Variants in TACC2 observed in about 807,000 individuals in gnomAD.
TACC2 encodes the protein transforming acidic coiled-coil containing protein 2, also known as transforming acidic coiled-coil-containing protein 2.
TACC2 carries 137 observed loss-of-function variants against 227.3 expected under a neutral mutation model. That is an observed-to-expected ratio of 0.60 (90% CI 0.52 to 0.69). TACC2 has a LOEUF of 0.69. TACC2 is among the 30% of genes least tolerant of loss of function. The pLI, the probability that TACC2 is intolerant of heterozygous loss-of-function variation, is 0.00. For synonymous variants in TACC2, 1,523 were observed against 1,487.5 expected (o/e 1.02, Z -0.55); for missense variants, 3,470 against 3,694.4 (o/e 0.94, Z 1.57).
intron 14 of TACC2, among the ~76,000 whole-genome samples, chr10:122,228,317 C>T (rs971788049): frequency 1.3e-5 from 2 of 152,224 alleles, no homozygotes; most frequent in African/African-American, 2.4e-5. Flanking sequence ...GTTAAGCAGT[C>T]CTCTGCCGCT....
chr10:122,082,681 G>A lies in TACC2; in HGVS notation c.181G>A (p.Ala61Thr), dbSNP rs115572080. 33 of 1,613,774 alleles carry A rather than the reference G, an allele frequency of 2.0e-5. No homozygotes were observed. The highest frequency in any genetic ancestry group is 1.6e-4 in the African/African-American group (12 of 75,010). The change falls in exon 4 of 23, where the codon GCT (alanine) becomes ACT (threonine). Residue 61 changes from alanine (A) to threonine (T), a missense_variant. Ala to Thr is a moderately conservative substitution (Grantham distance 58). Around this residue, in one of 10 missense-constraint regions of TACC2, gnomAD observed 405 missense variants for 389.6 expected, o/e 1.04. Coordinates refer to ENST00000369005, the MANE Select transcript of TACC2 (RefSeq NM_206862.4). ...CGTTGGGCTTGGAGGCTTCTGCACC[G>A]CTTCTGAGAGTTCTGCCAGCCTGGA... ...GSVGLGGFCT[A>T]SESSASLDPC... is the part of the protein sequence containing the mutation.
At chr10:122,108,766 G>A (rs1283636011) in intron 5 of TACC2, among the ~76,000 whole-genome samples, 5 of 135,624 alleles carry the variant, frequency 3.7e-5, no homozygotes, top group East Asian at 2.2e-4. Flanking sequence ...CTTGAGTCTC[G>A]CTGCGTCACC....
rs77317719 is a variant in TACC2, at chr10:122,146,058, T to C, written c.5834+2352T>C. Among the ~76,000 whole-genome samples, 1,239 of 152,290 alleles carry C rather than the reference T, an allele frequency of 8.1e-3. 16 individuals carry two copies. The highest frequency in any genetic ancestry group is 0.028 in the African/African-American group (1,179 of 41,560). On this transcript the variant is annotated intron_variant, in intron 7 of 22. Coordinates refer to ENST00000369005, the MANE Select transcript of TACC2 (RefSeq NM_206862.4). ...TCAAGGAGCATCCAGTGCTGGCAGA[T>C]AGACATGGAGCAATGAGTTACTAGG... is the stretch of plus-strand genomic sequence containing the variant.
chr10:122,201,594 C>T (rs1205686745), intron 8 of TACC2, among the ~76,000 whole-genome samples: 1 of 152,238 alleles, frequency 6.6e-6, no homozygotes, highest in Non-Finnish European at 1.5e-5. Context: ...ACCCTCTGGA[C>T]GCACATTCAC....
At chr10:122,151,554 G>A (rs1015447275) in intron 7 of TACC2, among the ~76,000 whole-genome samples, 2 of 152,144 alleles carry the variant, frequency 1.3e-5, no homozygotes, top group African/African-American at 2.4e-5. Flanking sequence ...GGGGCCTGCA[G>A]CCAGACTGGG....
chr10:122,190,319 C>T (rs753384434), intron 7 of TACC2, among the ~76,000 whole-genome samples: 1 of 152,186 alleles, frequency 6.6e-6, no homozygotes, highest in Non-Finnish European at 1.5e-5. Flanking sequence ...ATTTCCACGC[C>T]CTTCTTTCAC....
Position 122,132,557 on chromosome 10 carries a change from A to G in TACC2, c.5574-52A>G. On this transcript the variant is annotated intron_variant, in intron 5 of 22. Transcript: ENST00000369005. ...AAAGCGAAACTCCGTCTCAAAACAA[A>G]AACTTGTAGGAATGTTTCTGAGTTT... The G allele has an allele frequency of 3.7e-6, 6 of 1,608,486 alleles. No individual in the cohort carries two copies. The South Asian group carries it at 5.5e-5, about 15-fold the overall frequency.
At chr10:122,058,611 G>C (rs1444572707) in intron 3 of TACC2, among the ~76,000 whole-genome samples, 5 of 152,138 alleles carry the variant, frequency 3.3e-5, no homozygotes, top group Non-Finnish European at 5.9e-5. Context: ...GTTTCACCAT[G>C]TTGGCCAGAA....
Position 122,211,307 on chromosome 10 carries a change from T to A in TACC2, c.6882T>A (p.Val2294=). Residue 2294 remains valine, a synonymous_variant, in exon 9 of 23, where the codon GTT becomes GTA. Coordinates refer to ENST00000369005, the MANE Select transcript of TACC2 (RefSeq NM_206862.4). ...PPTKKIGKKP[V]AKMPLRRPKM... Reference sequence around the variant, plus strand: ...CCAAAAAGATAGGCAAAAAGCCAGTTGCCAAAATGCCCCTGAGGAGGCCAA... The same window carrying A: ...CCAAAAAGATAGGCAAAAAGCCAGTAGCCAAAATGCCCCTGAGGAGGCCAA... The A allele has an allele frequency of 6.2e-7, 1 of 1,613,988 alleles. No homozygotes were observed. Among genetic ancestry groups the A allele is most frequent in the Non-Finnish European group, 8.5e-7 (1 of 1,179,984 alleles).
At chr10:122,142,120 G>A (rs2090660420) in intron 6 of TACC2, among the ~76,000 whole-genome samples, 2 of 152,200 alleles carry the variant, frequency 1.3e-5, no homozygotes, top group Admixed American at 1.3e-4. Flanking sequence ...TTTCCTCCAA[G>A]CACTTGTAAT....
intron 19 of TACC2, 84 bp downstream of exon 19, chr10:122,242,085 G>C: frequency 7.6e-7 from 1 of 1,308,760 alleles, no homozygotes. Context: ...GAGGCTCAGA[G>C]TGGGTTTCTG....
At chr10:122,007,959 A>C (rs10047372) in intron 1 of TACC2, among the ~76,000 whole-genome samples, 73,019 of 151,664 alleles carry the variant, frequency 0.48, 17,877 homozygotes, top group Non-Finnish European at 0.52. Flanking sequence ...TTGCCATGTG[A>C]TGCCTCTGAC....
chr10:121,994,904 G>C (rs1479758963), intron 1 of TACC2, among the ~76,000 whole-genome samples: 1 of 152,126 alleles, frequency 6.6e-6, no homozygotes, highest in African/African-American at 2.4e-5. Context: ...ATACGTCACT[G>C]GTTACTTTTG....
In TACC2 at chr10:122,132,536, C is replaced by T. The variant is rs543734724; in HGVS notation, c.5574-73C>T. ...TGCCCTCCAGCCTGGATAAGAAAAGCGAAACTCCGTCTCAAAACAAAAACT... is the reference window on the plus strand; with the variant it reads ...TGCCCTCCAGCCTGGATAAGAAAAGTGAAACTCCGTCTCAAAACAAAAACT... On this transcript the variant is annotated intron_variant, in intron 5 of 22. Coordinates refer to ENST00000369005, the MANE Select transcript of TACC2 (RefSeq NM_206862.4). The T allele has an allele frequency of 5.6e-5, 88 of 1,584,816 alleles. No homozygotes were observed. In the South Asian group the frequency reaches 6.8e-4, roughly 12 times the overall value.
In TACC2 at chr10:122,209,391, G is replaced by C. The variant is rs1430917473; in HGVS notation, c.5972-1006G>C. ...GGAAGCCTCCGTATGCCTTCCTGCA[G>C]GATTTCTCTGTCTTCCTGTCCCACT... On this transcript the variant is annotated intron_variant, in intron 8 of 22. Transcript: ENST00000369005. The surrounding 1 kb of genome is among the most constrained non-coding windows in gnomAD (Gnocchi z 4.5). 2.0e-5 allele frequency among the ~76,000 whole-genome samples: 3 copies of C among 152,168 alleles called. No individual in the cohort carries two copies. Among genetic ancestry groups the C allele is most frequent in the Non-Finnish European group, 4.4e-5 (3 of 68,042 alleles).
At chr10:122,132,764 A>G (rs2138857452) in intron 6 of TACC2, 30 bp downstream of exon 6, 1 of 1,612,952 alleles carries the variant, frequency 6.2e-7, no homozygotes, top group African/African-American at 1.3e-5. Context: ...GCTGGTGATG[A>G]GACCTCAGGG....
At chr10:122,136,543 G>GTATATATATATATATATATA (rs747076679) in intron 6 of TACC2, among the ~76,000 whole-genome samples, 31 of 143,282 alleles carry the variant, frequency 2.2e-4, no homozygotes, top group African/African-American at 5.2e-4. Context: ...TTGTGTGTGT[G>GTATATATATATATATATATA]TGTATATATA....
At chr10:122,017,929 A>AT (rs1294444801) in intron 1 of TACC2, among the ~76,000 whole-genome samples, 53 of 147,282 alleles carry the variant, frequency 3.6e-4, no homozygotes, top group South Asian at 2.2e-4. Flanking sequence ...CCCTCCAAAC[A>AT]TTTTTTTTAA....
chr10:122,115,352 T>C (rs2084491881), intron 5 of TACC2, among the ~76,000 whole-genome samples: 1 of 151,928 alleles, frequency 6.6e-6, no homozygotes, highest in African/African-American at 2.4e-5. Context: ...TGGGGCAGGC[T>C]TTGTGGTGAA....
Sources: gnomAD v4.1 joint callset for allele counts (sites outside exome capture counted in the v4.1 genomes callset) on GRCh38, gnomAD v4.1.1 for gene constraint, gnomAD v4.1.1 regional missense constraint, Gnocchi (gnomAD v3.1) non-coding constraint, MANE v1.5 for transcripts, NCBI Gene and HGNC (gene_info 2026-07-23, HGNC 2026-07-21) for gene names.